MLNR: variants seen among roughly 807,000 people sequenced by gnomAD.
The protein encoded by MLNR is G protein-coupled receptor 38.
A neutral mutation model predicts 20.0 loss-of-function variants in MLNR; 16 were observed. The observed-to-expected ratio is 0.80, with a 90% CI of 0.54 to 1.22. MLNR has a LOEUF of 1.22. MLNR is among the 50% of genes most tolerant of loss of function. The probability of loss-of-function intolerance (pLI) is 0.00; values close to 1 mark genes in which losing one functional copy is unlikely to be tolerated. For synonymous variants in MLNR, 302 were observed against 287.2 expected (o/e 1.05, Z -0.52); for missense variants, 630 against 592.3 (o/e 1.06, Z -0.66).
rs1187972985 is a variant in MLNR at position 49,222,120 on chromosome 13, C to T, written c.982C>T (p.Arg328Trp). ...CATTTACATAAACACGGAAGATTCG[C>T]GGATGATGTACTTCTCTCAGTACTT... ...RIIYINTEDS[R>W]MMYFSQYFNI... is the part of the protein sequence containing the mutation. The change falls in exon 2 of 2, where the codon CGG (arginine) becomes TGG (tryptophan). Residue 328 changes from arginine (R) to tryptophan (W), a missense_variant. By Grantham distance (101) the Arg-to-Trp change is moderately radical. Coordinates refer to ENST00000218721, the MANE Select transcript of MLNR (RefSeq NM_001507.1). 2 of 1,614,092 alleles carry T rather than the reference C, an allele frequency of 1.2e-6. No individual in the cohort carries two copies. Among genetic ancestry groups the T allele is most frequent in the Admixed American group, 1.7e-5 (1 of 60,008 alleles).
Position 49,222,083 on chromosome 13 carries a change from C to G in MLNR, c.945C>G (p.His315Gln). 1 of 1,614,118 alleles carries G rather than the reference C, an allele frequency of 6.2e-7. No individual in the cohort carries two copies. The highest frequency in any genetic ancestry group is 8.5e-7 in the Non-Finnish European group (1 of 1,180,020). The change falls in exon 2 of 2, where the codon CAC (histidine) becomes CAG (glutamine). Residue 315 changes from histidine (H) to glutamine (Q), a missense_variant. Transcript: ENST00000218721. ...LAFIICWLPFHVGRIIYINTE... is the reference protein window; with the variant it reads ...LAFIICWLPFQVGRIIYINTE... ...TTATAATTTGCTGGTTGCCCTTCCA[C>G]GTTGGCAGAATCATTTACATAAACA...
Position 49,222,305 on chromosome 13 carries a change from A to G in MLNR, c.1167A>G (p.Glu389=), listed in dbSNP as rs367684593. ...ACAGAAGCAGGGACACTGCGGGGGA[A>G]GTTGCAGGGGACACTGGAGGAGACA... ...GFHRSRDTAG[E]VAGDTGGDTV... The change falls in exon 2 of 2, where the codon GAA becomes GAG. Residue 389 remains glutamate (E), a synonymous_variant. Transcript: ENST00000218721. The G allele has an allele frequency of 1.2e-6, 2 of 1,613,852 alleles. No individual in the cohort carries two copies. Among genetic ancestry groups the G allele is most frequent in the Non-Finnish European group, 1.7e-6 (2 of 1,180,002 alleles).
Position 49,220,780 on chromosome 13 carries a change from T to C in MLNR, c.443T>C (p.Val148Ala). The change falls in exon 1 of 2, where the codon GTC becomes GCC. Residue 148 changes from valine to alanine, a missense_variant. Transcript: ENST00000218721. The surrounding 1 kb of genome is among the most constrained non-coding windows in gnomAD (Gnocchi z 4.4). ...ATCTGCCGCCCGCTCCGCGCCCGCG[T>C]CTTGGTCACCCGGCGCCGCGTCCGC... is the stretch of plus-strand genomic sequence containing the variant. ...LAICRPLRARVLVTRRRVRAL... is the reference protein window; with the variant it reads ...LAICRPLRARALVTRRRVRAL... 1 of 1,567,046 alleles carries C rather than the reference T, an allele frequency of 6.4e-7. No homozygotes were observed. Among genetic ancestry groups the C allele is most frequent in the Non-Finnish European group, 8.6e-7 (1 of 1,157,124 alleles).
In MLNR at chr13:49,220,904, G is replaced by A. The variant is rs1280997094; in HGVS notation, c.567G>A (p.Pro189=). 3 of 1,559,234 alleles carry A rather than the reference G, an allele frequency of 1.9e-6. No homozygotes were observed. Among genetic ancestry groups the A allele is most frequent in the Admixed American group, 1.9e-5 (1 of 53,702 alleles). Residue 189 remains proline, a synonymous_variant, in exon 1 of 2, where the codon CCG becomes CCA. Coordinates refer to ENST00000218721, the MANE Select transcript of MLNR (RefSeq NM_001507.1). The surrounding 1 kb of genome is among the most constrained non-coding windows in gnomAD (Gnocchi z 4.4). ...AGGACCCCGGCATCTCCGTAGTCCC[G>A]GGCCTCAATGGCACCGCGCGGATCG... ...VEQDPGISVV[P]GLNGTARIAS...
rs1490132816 is a variant in MLNR at position 49,220,926 on chromosome 13, ATCGCCTCCTCGCCTC to A, written c.597_611del (p.Leu202_Pro206del). The stretch of plus-strand genomic sequence containing the variant: ...CCCGGGCCTCAATGGCACCGCGCGG[ATCGCCTCCTCGCCTC>A]TCGCCTCGTCGCCGCCTCTCTGGCT... On this transcript the variant is annotated inframe_deletion, in exon 1 of 2. Coordinates refer to ENST00000218721, the MANE Select transcript of MLNR (RefSeq NM_001507.1). The surrounding 1 kb of genome is among the most constrained non-coding windows in gnomAD (Gnocchi z 4.4). The A allele has an allele frequency of 1.9e-6, 3 of 1,539,948 alleles. No homozygotes were observed. The South Asian group carries it at 3.6e-5, about 19-fold the overall frequency.
rs371211366 is a variant in MLNR at position 49,222,143 on chromosome 13, C to A, written c.1005C>A (p.Tyr335Ter). The A allele has an allele frequency of 2.5e-6, 4 of 1,614,014 alleles. No individual in the cohort carries two copies. The highest frequency in any genetic ancestry group is 1.7e-6 in the Non-Finnish European group (2 of 1,180,030). ...CGCGGATGATGTACTTCTCTCAGTA[C>A]TTTAACATCGTCGCTCTGCAACTTT... ...EDSRMMYFSQ[Y>*]FNIVALQLFY... The change falls in exon 2 of 2, where the codon TAC becomes TAA. Residue 335 changes from tyrosine to a stop codon, truncating the protein, a stop_gained. Transcript: ENST00000218721. LOFTEE classifies it low-confidence loss of function (END_TRUNC).
At chr13:49,221,956 T>C (rs1593767906) in intron 1 of MLNR, 84 bp from the exon 2 acceptor site, 1 of 1,229,682 alleles carries the variant, frequency 8.1e-7, no homozygotes, top group South Asian at 1.4e-5. Flanking sequence ...TTACTTGTTA[T>C]TGCAGATGGT....
At position 49,220,842 on chromosome 13, in the gene MLNR, T is replaced by C; in HGVS notation, c.505T>C (p.Ser169Pro). Residue 169 changes from serine (S) to proline (P), a missense_variant, in exon 1 of 2, where the codon TCT (serine) becomes CCT (proline). Physicochemically the swap from Ser to Pro is moderately conservative, Grantham distance 74 (BLOSUM62 -1). Coordinates refer to ENST00000218721, the MANE Select transcript of MLNR (RefSeq NM_001507.1). The surrounding 1 kb of genome is among the most constrained non-coding windows in gnomAD (Gnocchi z 4.4). ...IAVLWAVALL[S>P]AGPFLFLVGV... The stretch of plus-strand genomic sequence containing the variant: ...TGTGCTCTGGGCCGTGGCGCTGCTC[T>C]CTGCCGGTCCCTTCTTGTTCCTGGT... 1 of 1,573,806 alleles carries C rather than the reference T, an allele frequency of 6.4e-7. No homozygotes were observed. The highest frequency in any genetic ancestry group is 1.2e-5 in the South Asian group (1 of 85,538).
Position 49,221,188 on chromosome 13 carries a change from C to G in MLNR, c.851C>G (p.Pro284Arg). 1.3e-6 allele frequency: 2 copies of G among 1,585,432 alleles called. No individual in the cohort carries two copies. Among genetic ancestry groups the G allele is most frequent in the Non-Finnish European group, 1.7e-6 (2 of 1,174,512 alleles). Residue 284 changes from proline (P) to arginine (R), a missense_variant, in exon 1 of 2, where the codon CCG (proline) becomes CGG (arginine). Coordinates refer to ENST00000218721, the MANE Select transcript of MLNR (RefSeq NM_001507.1). ...LWSSRRPLRG[P>R]AASGRERGHR... ...AGCAGCCGGCGGCCGCTGCGAGGCC[C>G]GGCCGCCTCGGGGCGGGAGAGAGGC...
In MLNR at chr13:49,222,206, C is replaced by A. The variant is rs1593768099; in HGVS notation, c.1068C>A (p.Asn356Lys). 1 of 1,614,114 alleles carries A rather than the reference C, an allele frequency of 6.2e-7. No individual in the cohort carries two copies. Among genetic ancestry groups the A allele is most frequent in the Non-Finnish European group, 8.5e-7 (1 of 1,180,046 alleles). Residue 356 changes from asparagine to lysine, a missense_variant, in exon 2 of 2, where the codon AAC becomes AAA. Coordinates refer to ENST00000218721, the MANE Select transcript of MLNR (RefSeq NM_001507.1). ...LSASINPILY[N>K]LISKKYRAAA... ...CATCTATCAACCCAATCCTCTACAACCTCATTTCAAAGAAGTACAGAGCGG... is the reference window on the plus strand; with the variant it reads ...CATCTATCAACCCAATCCTCTACAAACTCATTTCAAAGAAGTACAGAGCGG...
At chr13:49,221,646 G>A (rs992982590) in intron 1 of MLNR, among the ~76,000 whole-genome samples, 20 of 152,250 alleles carry the variant, frequency 1.3e-4, no homozygotes, top group African/African-American at 4.6e-4. Context: ...AATGTTAAGT[G>A]ATGCTGAAGG....
Position 49,220,612 on chromosome 13 carries a change from C to G in MLNR, c.275C>G (p.Pro92Arg), listed in dbSNP as rs202165616. Reference protein sequence around the residue: ...VSDLLILLGLPFDLYRLWRSR... With the variant: ...VSDLLILLGLRFDLYRLWRSR... ...GACCTACTCATCCTGCTCGGGCTGC[C>G]GTTCGACCTGTACCGCCTCTGGCGC... The change falls in exon 1 of 2, where the codon CCG becomes CGG. Residue 92 changes from proline to arginine, a missense_variant. By Grantham distance (103) the Pro-to-Arg change is moderately radical. Transcript: ENST00000218721. This position sits in a 1 kb window ranked among gnomAD's most constrained non-coding sequence, Gnocchi z 4.4. The G allele has an allele frequency of 1.2e-5, 20 of 1,612,800 alleles. No homozygotes were observed. The African/African-American group carries it at 2.5e-4, about 20-fold the overall frequency.
intron 1 of MLNR, 195 bp downstream of exon 1, chr13:49,221,433 G>A (rs1477815768): frequency 1.6e-6 from 1 of 617,302 alleles, no homozygotes; most frequent in East Asian, 3.1e-5. Context: ...TCCCCCAGGA[G>A]CTCTGGGGGA....
chr13:49,220,827 G>A lies in MLNR; in HGVS notation c.490G>A (p.Ala164Thr), dbSNP rs200795489. Residue 164 changes from alanine (A) to threonine (T), a missense_variant, in exon 1 of 2, where the codon GCC becomes ACC. Physicochemically the swap from Ala to Thr is moderately conservative, Grantham distance 58. Transcript: ENST00000218721. The surrounding 1 kb of genome is among the most constrained non-coding windows in gnomAD (Gnocchi z 4.4). ...RVRALIAVLW[A>T]VALLSAGPFL... Reference sequence around the variant, plus strand: ...CCGCGCGCTCATCGCTGTGCTCTGGGCCGTGGCGCTGCTCTCTGCCGGTCC... The same window carrying A: ...CCGCGCGCTCATCGCTGTGCTCTGGACCGTGGCGCTGCTCTCTGCCGGTCC... 5.3e-5 allele frequency: 84 copies of A among 1,570,326 alleles called. No homozygotes were observed. The East Asian group carries it at 6.2e-4, about 12-fold the overall frequency.
chr13:49,220,869 G>A lies in MLNR; in HGVS notation c.532G>A (p.Gly178Ser), dbSNP rs1232277743. Residue 178 changes from glycine to serine, a missense_variant, in exon 1 of 2, where the codon GGC becomes AGC. Coordinates refer to ENST00000218721, the MANE Select transcript of MLNR (RefSeq NM_001507.1). This position sits in a 1 kb window ranked among gnomAD's most constrained non-coding sequence, Gnocchi z 4.4. ...LSAGPFLFLV[G>S]VEQDPGISVV... ...TGCCGGTCCCTTCTTGTTCCTGGTG[G>A]GCGTCGAGCAGGACCCCGGCATCTC... 4 of 1,573,964 alleles carry A rather than the reference G, an allele frequency of 2.5e-6. No homozygotes were observed. In the South Asian group the frequency reaches 4.7e-5, roughly 18 times the overall value.
chr13:49,222,172 ATC>A lies in MLNR; in HGVS notation c.1036_1037del (p.Leu346GlufsTer22). ...AACATCGTCGCTCTGCAACTTTTCT[ATC>A]TGAGCGCATCTATCAACCCAATCCT... On this transcript the variant is annotated frameshift_variant, in exon 2 of 2. Coordinates refer to ENST00000218721, the MANE Select transcript of MLNR (RefSeq NM_001507.1). LOFTEE classifies it low-confidence loss of function (END_TRUNC). 6.2e-7 allele frequency: 1 copy of A among 1,614,046 alleles called. No homozygotes were observed.
At position 49,220,780 on chromosome 13, in the gene MLNR, T is replaced by A; in HGVS notation, c.443T>A (p.Val148Asp). The A allele has an allele frequency of 1.9e-6, 3 of 1,567,046 alleles. No homozygotes were observed. Among genetic ancestry groups the A allele is most frequent in the Non-Finnish European group, 2.6e-6 (3 of 1,157,124 alleles). Residue 148 changes from valine to aspartate, a missense_variant, in exon 1 of 2, where the codon GTC becomes GAC. Coordinates refer to ENST00000218721, the MANE Select transcript of MLNR (RefSeq NM_001507.1). The surrounding 1 kb of genome is among the most constrained non-coding windows in gnomAD (Gnocchi z 4.4). ...ATCTGCCGCCCGCTCCGCGCCCGCGTCTTGGTCACCCGGCGCCGCGTCCGC... is the reference window on the plus strand; with the variant it reads ...ATCTGCCGCCCGCTCCGCGCCCGCGACTTGGTCACCCGGCGCCGCGTCCGC... ...LAICRPLRAR[V>D]LVTRRRVRAL... is the part of the protein sequence containing the mutation.
In MLNR at chr13:49,220,717, T is replaced by G. The variant is rs367619617; in HGVS notation, c.380T>G (p.Leu127Arg). The G allele has an allele frequency of 3.1e-6, 5 of 1,591,344 alleles. No homozygotes were observed. Among genetic ancestry groups the G allele is most frequent in the Non-Finnish European group, 4.3e-6 (5 of 1,170,436 alleles). ...VGEGCTYATL[L>R]HMTALSVERY... is the part of the protein sequence containing the mutation. Reference sequence around the variant, plus strand: ...GAGGGCTGCACCTACGCCACGCTGCTGCACATGACCGCGCTCAGCGTCGAG... The same window carrying G: ...GAGGGCTGCACCTACGCCACGCTGCGGCACATGACCGCGCTCAGCGTCGAG... The change falls in exon 1 of 2, where the codon CTG (leucine) becomes CGG (arginine). Residue 127 changes from leucine to arginine, a missense_variant. Physicochemically the swap from Leu to Arg is moderately radical, Grantham distance 102 (BLOSUM62 -2). Coordinates refer to ENST00000218721, the MANE Select transcript of MLNR (RefSeq NM_001507.1). This position sits in a 1 kb window ranked among gnomAD's most constrained non-coding sequence, Gnocchi z 4.4.
Position 49,220,448 on chromosome 13 carries a change from G to A in MLNR, c.111G>A (p.Ala37=), listed in dbSNP as rs1886985565. The stretch of plus-strand genomic sequence containing the variant: ...GCTGCTCGCCCTTTCCCCTGGGGGC[G>A]CTGGTGCCGGTGACCGCTGTGTGCC... The part of the protein sequence containing the change: ...ERRCSPFPLG[A]LVPVTAVCLC... Residue 37 remains alanine (A), a synonymous_variant, in exon 1 of 2, where the codon GCG becomes GCA. Transcript: ENST00000218721. This position sits in a 1 kb window ranked among gnomAD's most constrained non-coding sequence, Gnocchi z 4.4. The A allele has an allele frequency of 2.6e-6, 4 of 1,553,846 alleles. No individual in the cohort carries two copies. The highest frequency in any genetic ancestry group is 3.5e-6 in the Non-Finnish European group (4 of 1,153,544).
Sources: allele counts gnomAD v4.1 joint callset (sites outside exome capture counted in the v4.1 genomes callset), GRCh38; gene constraint gnomAD v4.1.1; non-coding constraint Gnocchi (gnomAD v3.1); transcripts MANE v1.5; gene names NCBI Gene and HGNC (gene_info 2026-07-23, HGNC 2026-07-21).